TMEM87B: variants seen among roughly 807,000 people sequenced by gnomAD.
The protein encoded by TMEM87B is transmembrane protein 87B.
In TMEM87B, 83 loss-of-function variants were observed where a neutral mutation model predicts 80.3. That is an observed-to-expected ratio of 1.03 (90% CI 0.87 to 1.24). The LOEUF is 1.24. TMEM87B is among the 50% of genes most tolerant of loss of function. The probability of loss-of-function intolerance (pLI) is 0.00; values close to 1 mark genes in which losing one functional copy is unlikely to be tolerated. For synonymous variants in TMEM87B, 219 were observed against 230.5 expected (o/e 0.95, Z 0.45); for missense variants, 625 against 674.4 (o/e 0.93, Z 0.81).
In TMEM87B at chr2:112,118,000, C is replaced by T. The variant is rs553025755; in HGVS notation, c.*1857C>T. 2 of 152,104 alleles carry T rather than the reference C, an allele frequency of 1.3e-5. No homozygotes were observed. Among genetic ancestry groups the T allele is most frequent in the African/African-American group, 4.8e-5 (2 of 41,386 alleles). The allele number at this position is 152,104 out of a possible 1,614,324, so 9.4% of individuals were successfully genotyped here. A position where few individuals can be genotyped will look rare whatever the true frequency, so the allele number is the denominator to read the frequency against. On this transcript the variant is annotated 3_prime_UTR_variant, in exon 19 of 19. Coordinates refer to ENST00000283206, the MANE Select transcript of TMEM87B (RefSeq NM_032824.3). ...AGAATCTCAGTAATGTTTACCAAAA[C>T]ATGTCTTTCTACAGCTGGTAGGATA...
At chr2:112,077,038 CAAAAAA>C (rs35044756) in intron 5 of TMEM87B, among the ~76,000 whole-genome samples, 148 bp from the exon 6 acceptor site, 2 of 85,370 alleles carry the variant, frequency 2.3e-5, no homozygotes, top group Admixed American at 2.8e-4. Context: ...ACCCCCATCT[CAAAAAA>C]AAAAAAAAAA....
Position 112,102,387 on chromosome 2 carries a change from C to T in TMEM87B, c.1450+1692C>T, listed in dbSNP as rs78282143. Reference sequence around the variant, plus strand: ...ATTCCGAAAATCACTCAGTATAATTCATCATATTAAAATAGTACAAATAAG... The same window carrying T: ...ATTCCGAAAATCACTCAGTATAATTTATCATATTAAAATAGTACAAATAAG... On this transcript the variant is annotated intron_variant, in intron 15 of 18. Transcript: ENST00000283206. Among the ~76,000 whole-genome samples, 344 of 152,250 alleles carry T rather than the reference C, an allele frequency of 2.3e-3. 1 individual carries two copies. The highest frequency in any genetic ancestry group is 7.4e-3 in the African/African-American group (309 of 41,554).
intron 4 of TMEM87B, among the ~76,000 whole-genome samples, chr2:112,070,087 C>G (rs1678577890): frequency 6.6e-6 from 1 of 151,966 alleles, no homozygotes; most frequent in Non-Finnish European, 1.5e-5. Flanking sequence ...TTGTCAGATG[C>G]ATAGCTTGCA....
chr2:112,072,021 C>T (rs1360702582), intron 4 of TMEM87B, among the ~76,000 whole-genome samples: 1 of 152,168 alleles, frequency 6.6e-6, no homozygotes, highest in Non-Finnish European at 1.5e-5. Flanking sequence ...AAAGCCTTTT[C>T]TGTATCTATT....
At chr2:112,095,878 G>T (rs1208554448) in intron 11 of TMEM87B, among the ~76,000 whole-genome samples, 2 of 151,136 alleles carry the variant, frequency 1.3e-5, no homozygotes, top group Admixed American at 1.3e-4. Context: ...TAAGAGCAGA[G>T]AGAGCTGGCT....
chr2:112,074,831 C>CT, intron 4 of TMEM87B, 81 bp from the exon 5 acceptor site: 1 of 1,391,432 alleles, frequency 7.2e-7, no homozygotes, highest in Non-Finnish European at 9.5e-7. Flanking sequence ...TTTCTTCTAA[C>CT]TTTTTTTCTT....
chr2:112,098,725 G>A (rs748719869), intron 14 of TMEM87B, 27 bp downstream of exon 14: 10 of 1,601,396 alleles, frequency 6.2e-6, no homozygotes, highest in Non-Finnish European at 8.6e-6. Context: ...ATTTCAAGTC[G>A]TCAAGGATTT....
At chr2:112,099,882 C>CAAA (rs57117477) in intron 14 of TMEM87B, among the ~76,000 whole-genome samples, 1 of 67,932 alleles carries the variant, frequency 1.5e-5, no homozygotes, top group Non-Finnish European at 3.2e-5. Context: ...GACCCTGTCT[C>CAAA]AAAAAAAAAA....
intron 5 of TMEM87B, among the ~76,000 whole-genome samples, chr2:112,076,100 A>T (rs779696023): frequency 3.3e-5 from 5 of 152,042 alleles, no homozygotes; most frequent in Non-Finnish European, 7.4e-5. Flanking sequence ...TAAAAACCAC[A>T]CATTAGGCCG....
chr2:112,088,709 G>A (rs1460931868), intron 9 of TMEM87B, among the ~76,000 whole-genome samples: 1 of 151,878 alleles, frequency 6.6e-6, no homozygotes, highest in Non-Finnish European at 1.5e-5. Flanking sequence ...CACCATCTTT[G>A]TATTTTCCCA....
At chr2:112,113,409 C>T (rs1375001089) in intron 18 of TMEM87B, among the ~76,000 whole-genome samples, 3 of 152,102 alleles carry the variant, frequency 2.0e-5, no homozygotes, top group Non-Finnish European at 2.9e-5. Context: ...ACTGGATGCA[C>T]GGAACATTAA....
At chr2:112,107,558 T>TACATCCA (rs1380006005) in intron 16 of TMEM87B, among the ~76,000 whole-genome samples, 4 of 152,154 alleles carry the variant, frequency 2.6e-5, no homozygotes, top group African/African-American at 4.8e-5. Flanking sequence ...TAATATTTCA[T>TACATCCA]ACATCCAACT....
intron 1 of TMEM87B, among the ~76,000 whole-genome samples, chr2:112,057,622 C>A (rs911686296): frequency 6.6e-6 from 1 of 152,100 alleles, no homozygotes; most frequent in East Asian, 1.9e-4. Flanking sequence ...GGTTGAAGCA[C>A]CACTGTGTGT....
Position 112,081,108 on chromosome 2 carries a change from C to T in TMEM87B, c.644C>T (p.Pro215Leu). The T allele has an allele frequency of 6.2e-7, 1 of 1,612,614 alleles. No homozygotes were observed. The highest frequency in any genetic ancestry group is 8.5e-7 in the Non-Finnish European group (1 of 1,179,696). ...GGATATATCTCTGCATCAGATTGGC[C>T]CCTAATGATTGTGAGTATTTCTCAT... ...PHGYISASDW[P>L]LMIFYMVMCI... The change falls in exon 7 of 19, where the codon CCC becomes CTC. Residue 215 changes from proline (P) to leucine (L), a missense_variant. Pro to Leu is a moderately conservative substitution (Grantham distance 98). Transcript: ENST00000283206.
rs778058963 is a variant in TMEM87B at position 112,116,184 on chromosome 2, A to T, written c.*41A>T. 1 of 1,526,592 alleles carries T rather than the reference A, an allele frequency of 6.6e-7. No individual in the cohort carries two copies. Among genetic ancestry groups the T allele is most frequent in the Non-Finnish European group, 9.0e-7 (1 of 1,111,020 alleles). The allele number at this position is 1,526,592 out of a possible 1,614,324, so 94.6% of individuals were successfully genotyped here. Reference sequence around the variant, plus strand: ...GAAATGTAGTTAAGCCTGAAGGACTATCCTTCATCAAGACTGAAAGTGAGC... The same window carrying T: ...GAAATGTAGTTAAGCCTGAAGGACTTTCCTTCATCAAGACTGAAAGTGAGC... On this transcript the variant is annotated 3_prime_UTR_variant, in exon 19 of 19. Transcript: ENST00000283206.
intron 5 of TMEM87B, among the ~76,000 whole-genome samples, chr2:112,076,324 G>C (rs900281470): frequency 5.3e-5 from 8 of 152,140 alleles, no homozygotes; most frequent in Non-Finnish European, 1.0e-4. Context: ...GATAAAATAT[G>C]AGAAGAGTAT....
chr2:112,091,902 G>A (rs928841755), intron 11 of TMEM87B, 119 bp downstream of exon 11: 2 of 740,144 alleles, frequency 2.7e-6, no homozygotes, highest in African/African-American at 3.6e-5. Flanking sequence ...TAATACGAGG[G>A]TTCACTTGAA....
intron 1 of TMEM87B, among the ~76,000 whole-genome samples, chr2:112,058,973 G>C (rs932281110): frequency 3.3e-5 from 5 of 152,196 alleles, no homozygotes; most frequent in Non-Finnish European, 7.3e-5. Flanking sequence ...GCAGAGAGGA[G>C]TGTGTCTGGT....
rs35496465 is a variant in TMEM87B at position 112,085,988 on chromosome 2, AT to A, written c.839-10del. ...AGGTGTAGACAAAGTGAATTATTTT[AT>A]TTTTTTCTTCCTCAGCCCAAGGCTT... On this transcript the variant is annotated splice_polypyrimidine_tract_variant and intron_variant, in intron 8 of 18. Transcript: ENST00000283206. 129,431 of 1,608,732 alleles carry A rather than the reference AT, an allele frequency of 0.08. 7,478 individuals carry two copies. The highest frequency in any genetic ancestry group is 0.35 in the East Asian group (15,856 of 44,762).
Sources: gnomAD v4.1 joint callset for allele counts (sites outside exome capture counted in the v4.1 genomes callset) on GRCh38, gnomAD v4.1.1 for gene constraint, MANE v1.5 for transcripts, NCBI Gene and HGNC (gene_info 2026-07-23, HGNC 2026-07-21) for gene names.